Variants in EYA2 observed in about 807,000 individuals in gnomAD.
EYA2 encodes the protein EYA transcriptional coactivator and phosphatase 2.
EYA2 carries 31 observed loss-of-function variants against 69.2 expected under a neutral mutation model. The ratio of observed to expected loss-of-function variants is 0.45; its 90% CI spans 0.34 to 0.60. EYA2 has a LOEUF of 0.60. EYA2 is among the 20% of genes least tolerant of loss of function. The probability of loss-of-function intolerance (pLI) is 0.02; values close to 1 mark genes in which losing one functional copy is unlikely to be tolerated. For synonymous variants in EYA2, 257 were observed against 279.4 expected (o/e 0.92, Z 0.80); for missense variants, 622 against 701.2 (o/e 0.89, Z 1.28).
intron 5 of EYA2, among the ~76,000 whole-genome samples, chr20:47,051,548 A>G (rs925365033): frequency 4.6e-5 from 7 of 152,200 alleles, no homozygotes; most frequent in African/African-American, 1.7e-4. Flanking sequence ...CTTAACCTCA[A>G]GGATGAAAGC....
intron 7 of EYA2, among the ~76,000 whole-genome samples, chr20:47,081,526 C>A (rs1418902521): frequency 6.6e-6 from 1 of 151,924 alleles, no homozygotes; most frequent in Non-Finnish European, 1.5e-5. Flanking sequence ...TGCCTGTAAT[C>A]CCAGCATTTT....
chr20:47,043,918 A>G (rs1293591162), intron 5 of EYA2, among the ~76,000 whole-genome samples: 3 of 152,194 alleles, frequency 2.0e-5, no homozygotes, highest in Non-Finnish European at 4.4e-5. Context: ...GGATATAGAT[A>G]TTGATAGTTC....
intron 10 of EYA2, among the ~76,000 whole-genome samples, chr20:47,161,940 T>C (rs541468312): frequency 2.6e-5 from 4 of 152,270 alleles, no homozygotes; most frequent in African/African-American, 9.6e-5. Flanking sequence ...CTGGGTGCCT[T>C]AAACAAGAGA....
intron 10 of EYA2, among the ~76,000 whole-genome samples, chr20:47,159,937 G>A (rs182169433): frequency 2.2e-4 from 34 of 152,088 alleles, no homozygotes; most frequent in Middle Eastern, 3.4e-3. Flanking sequence ...GCAGTGAGCT[G>A]CAGGAAGCCA....
At chr20:46,914,718 A>C (rs1984816119) in intron 1 of EYA2, among the ~76,000 whole-genome samples, 1 of 152,170 alleles carries the variant, frequency 6.6e-6, no homozygotes, top group Non-Finnish European at 1.5e-5. Context: ...TGGGAACTAT[A>C]ATTCAAGATG....
chr20:46,993,540 C>G lies in EYA2; in HGVS notation c.109+3421C>G, dbSNP rs771304203. Among the ~76,000 whole-genome samples the G allele has an allele frequency of 2.6e-5, 4 of 152,236 alleles. No individual in the cohort carries two copies. The South Asian group carries it at 8.3e-4, about 32-fold the overall frequency. ...GAAAGGAACTGCCCCTTCCTTCATT[C>G]ATTTGTTCATTCATTTATTGAACAA... On this transcript the variant is annotated intron_variant, in intron 2 of 15. Transcript: ENST00000327619.
intron 5 of EYA2, among the ~76,000 whole-genome samples, chr20:47,037,275 G>T (rs1329522182): frequency 6.6e-6 from 1 of 152,184 alleles, no homozygotes; most frequent in African/African-American, 2.4e-5. Context: ...TTCAAGATGA[G>T]ATTTGGGTGG....
intron 5 of EYA2, among the ~76,000 whole-genome samples, chr20:47,061,129 C>G (rs1049231902): frequency 6.6e-5 from 10 of 152,244 alleles, no homozygotes; most frequent in Admixed American, 3.3e-4. Flanking sequence ...GCTGGGATTA[C>G]AGACATGAGC....
At chr20:47,115,515 G>C (rs564748215) in intron 9 of EYA2, among the ~76,000 whole-genome samples, 5 of 152,062 alleles carry the variant, frequency 3.3e-5, no homozygotes, top group Admixed American at 3.3e-4. Flanking sequence ...CAGGTCACCC[G>C]TCTTATGCTC....
chr20:47,033,607 G>T lies in EYA2; in HGVS notation c.415+17310G>T, dbSNP rs1422499654. 2.0e-5 allele frequency among the ~76,000 whole-genome samples: 3 copies of T among 152,152 alleles called. No individual in the cohort carries two copies. The East Asian group carries it at 5.8e-4, about 29-fold the overall frequency. On this transcript the variant is annotated intron_variant, in intron 5 of 15. Coordinates refer to ENST00000327619, the MANE Select transcript of EYA2 (RefSeq NM_005244.5). ...CCAGAGTGGCAGGACTGTATTTCTT[G>T]CCCTTCTTGCAGGCAAGGTGTCGGG...
intron 5 of EYA2, among the ~76,000 whole-genome samples, chr20:47,064,239 G>A (rs2031021885): frequency 6.6e-6 from 1 of 152,206 alleles, no homozygotes; most frequent in South Asian, 2.1e-4. Flanking sequence ...TTATAGGTAT[G>A]AGCCACCATG....
chr20:46,935,265 A>G (rs1001882980), intron 1 of EYA2, among the ~76,000 whole-genome samples: 1 of 152,222 alleles, frequency 6.6e-6, no homozygotes, highest in Non-Finnish European at 1.5e-5. Context: ...ATCTGTTTGC[A>G]CAGGCTGTCA....
intron 12 of EYA2, among the ~76,000 whole-genome samples, chr20:47,176,759 A>C (rs2034433958): frequency 6.6e-6 from 1 of 151,882 alleles, no homozygotes; most frequent in African/African-American, 2.4e-5. Context: ...CAAGTACTCT[A>C]CAGTGTTATG....
At chr20:46,968,217 C>T (rs937999754) in intron 1 of EYA2, among the ~76,000 whole-genome samples, 1 of 152,222 alleles carries the variant, frequency 6.6e-6, no homozygotes, top group African/African-American at 2.4e-5. Context: ...CCATCTAGGG[C>T]CCTGATCTTG....
At chr20:47,103,490 G>T (rs1448360189) in intron 9 of EYA2, among the ~76,000 whole-genome samples, 2 of 152,222 alleles carry the variant, frequency 1.3e-5, no homozygotes, top group African/African-American at 4.8e-5. Flanking sequence ...AATTTATAAA[G>T]GAAATAGGTT....
chr20:47,000,911 C>T (rs892556823), intron 2 of EYA2, among the ~76,000 whole-genome samples: 2 of 152,110 alleles, frequency 1.3e-5, no homozygotes, highest in Admixed American at 6.5e-5. Flanking sequence ...ACATCAAAGC[C>T]ATGTCATTAG....
Position 47,059,715 on chromosome 20 carries a change from G to T in EYA2, c.416-12470G>T, listed in dbSNP as rs146986192. On this transcript the variant is annotated intron_variant, in intron 5 of 15. Transcript: ENST00000327619. ...GAAAGTTTCATCTTAGTCATTTGGG[G>T]CTTTCCCCAAACTCTCCAGAATTTT... Among the ~76,000 whole-genome samples the T allele has an allele frequency of 2.2e-3, 335 of 152,294 alleles. 3 individuals carry two copies. The highest frequency in any genetic ancestry group is 7.8e-3 in the African/African-American group (324 of 41,566).
intron 8 of EYA2, among the ~76,000 whole-genome samples, chr20:47,096,725 G>A (rs1340100445): frequency 6.6e-6 from 1 of 151,912 alleles, no homozygotes; most frequent in Non-Finnish European, 1.5e-5. Flanking sequence ...ATAGTTGAGC[G>A]TATGGTGAAC....
intron 5 of EYA2, among the ~76,000 whole-genome samples, chr20:47,023,061 G>T (rs966386977): frequency 2.6e-5 from 4 of 151,620 alleles, no homozygotes; most frequent in African/African-American, 7.3e-5. Context: ...AAAGACACAT[G>T]AATTTTTTAA....
Sources: gnomAD v4.1 joint callset for allele counts (sites outside exome capture counted in the v4.1 genomes callset) on GRCh38, gnomAD v4.1.1 for gene constraint, MANE v1.5 for transcripts, NCBI Gene and HGNC (gene_info 2026-07-23, HGNC 2026-07-21) for gene names.